CADPS2: variants seen among roughly 807,000 people sequenced by gnomAD.
CADPS2 encodes calcium-dependent secretion activator 2.
A neutral mutation model predicts 172.5 loss-of-function variants in CADPS2; 93 were observed. That is an observed-to-expected ratio of 0.54 (90% CI 0.46 to 0.64). The LOEUF (loss-of-function observed/expected upper bound fraction) is 0.64, where lower values mean the gene tolerates loss of function less well. Ranked by LOEUF, CADPS2 falls within the 30% of genes least tolerant of loss-of-function variation. CADPS2 has a pLI of 0.00. For missense variants in CADPS2, 1,420 were observed against 1,565.9 expected, an observed-to-expected ratio of 0.91 and a Z score of 1.57; for synonymous variants, 546 against 555.2, an observed-to-expected ratio of 0.98 and a Z score of 0.23.
At chr7:122,379,466 C>A (rs1474397000) in intron 24 of CADPS2, 24 bp from the exon 25 acceptor site, 3 of 1,475,200 alleles carry the variant, frequency 2.0e-6, no homozygotes, top group South Asian at 2.3e-5. Context: ...GATAAAAACT[C>A]ATTAGTTGAC....
chr7:122,464,137 T>A (rs1356545800), intron 14 of CADPS2, among the ~76,000 whole-genome samples: 1 of 152,130 alleles, frequency 6.6e-6, no homozygotes, highest in African/African-American at 2.4e-5. Context: ...GATTAATTCT[T>A]AGGCTAGAGT....
chr7:122,427,429 A>G (rs2049309862), intron 17 of CADPS2: 1 of 152,206 alleles, frequency 6.6e-6, no homozygotes. Context: ...CATTGGGGAT[A>G]ATTACAATAA....
At chr7:122,530,473 C>T (rs2061664428) in intron 8 of CADPS2, among the ~76,000 whole-genome samples, 1 of 151,944 alleles carries the variant, frequency 6.6e-6, no homozygotes, top group Non-Finnish European at 1.5e-5. Context: ...AAATAACTAT[C>T]CCCACTGCAT....
At chr7:122,675,696 A>G (rs1393007701) in intron 2 of CADPS2, among the ~76,000 whole-genome samples, 1 of 152,222 alleles carries the variant, frequency 6.6e-6, no homozygotes, top group Non-Finnish European at 1.5e-5. Flanking sequence ...GGAAGCCATC[A>G]TTCCAAGCAA....
At chr7:122,792,589 AAC>A (rs1194465720) in intron 1 of CADPS2, among the ~76,000 whole-genome samples, 1 of 152,192 alleles carries the variant, frequency 6.6e-6, no homozygotes, top group African/African-American at 2.4e-5. Flanking sequence ...TAAAAAATGC[AAC>A]AGACTTTAGA....
intron 8 of CADPS2, among the ~76,000 whole-genome samples, chr7:122,547,491 T>C (rs567318812): frequency 6.6e-6 from 1 of 152,320 alleles, no homozygotes; most frequent in Non-Finnish European, 1.5e-5. Context: ...GCATAATTTC[T>C]GCATTCTATT....
chr7:122,444,420 A>C (rs1386179031), intron 15 of CADPS2, among the ~76,000 whole-genome samples: 1 of 152,134 alleles, frequency 6.6e-6, no homozygotes, highest in East Asian at 1.9e-4. Context: ...TTATATTCCT[A>C]CCAACAGCAT....
chr7:122,729,974 A>G (rs747824929), intron 2 of CADPS2, among the ~76,000 whole-genome samples: 6 of 151,666 alleles, frequency 4.0e-5, no homozygotes, highest in Non-Finnish European at 8.9e-5. Flanking sequence ...TGTAGTCTCT[A>G]CCTGAAATGT....
intron 1 of CADPS2, among the ~76,000 whole-genome samples, chr7:122,873,187 A>C (rs1361201740): frequency 1.3e-5 from 2 of 152,056 alleles, no homozygotes; most frequent in Non-Finnish European, 2.9e-5. Flanking sequence ...ACAAAACAAA[A>C]ATTTTTTTAA....
chr7:122,659,633 C>T (rs866246568), intron 3 of CADPS2, among the ~76,000 whole-genome samples: 2 of 151,984 alleles, frequency 1.3e-5, no homozygotes, highest in Admixed American at 1.3e-4. Flanking sequence ...CACTGACCCA[C>T]AGATACAGGA....
chr7:122,439,938 T>C lies in CADPS2; in HGVS notation c.2353-1474A>G, dbSNP rs567952211. ...GTCTCCCAGGTAATATTTCATATTA[T>C]CTGGGAACCAGAAACTTACTTTCTG... On this transcript the variant is annotated intron_variant, in intron 16 of 29. Coordinates refer to ENST00000449022, the MANE Select transcript of CADPS2 (RefSeq NM_017954.11). 8.5e-5 allele frequency among the ~76,000 whole-genome samples: 13 copies of C among 152,226 alleles called. No individual in the cohort carries two copies. In the East Asian group the frequency reaches 9.7e-4, roughly 11 times the overall value.
At chr7:122,515,969 C>A (rs1048857583) in intron 8 of CADPS2, among the ~76,000 whole-genome samples, 12 of 151,426 alleles carry the variant, frequency 7.9e-5, no homozygotes, top group Non-Finnish European at 1.8e-4. Context: ...GAATAATAAT[C>A]AGCTGCAACA....
In CADPS2 at chr7:122,842,713, T is replaced by C. The variant is rs545684503; in HGVS notation, c.339+43286A>G. On this transcript the variant is annotated intron_variant, in intron 1 of 29. Coordinates refer to ENST00000449022, the MANE Select transcript of CADPS2 (RefSeq NM_017954.11). The stretch of plus-strand genomic sequence containing the variant: ...GGTTGAATAAAAAATAGAAAGTTGA[T>C]AGTAAAAATTGGTATATTTTAATAT... Among the ~76,000 whole-genome samples the C allele has an allele frequency of 4.6e-5, 7 of 152,216 alleles. No individual in the cohort carries two copies. The East Asian group carries it at 1.2e-3, about 25-fold the overall frequency.
rs189828142 is a variant in CADPS2 at position 122,785,946 on chromosome 7, G to A, written c.340-48878C>T. 2.9e-3 allele frequency among the ~76,000 whole-genome samples: 437 copies of A among 152,218 alleles called. 9 individuals are homozygous for A. The highest frequency in any genetic ancestry group is 0.024 in the Admixed American group (372 of 15,298). On this transcript the variant is annotated intron_variant, in intron 1 of 29. Transcript: ENST00000449022. ...CTGGCTCAGAAGATGCAGGTAATGT[G>A]GTTCTAAAAGAAGAAATAAACCACA...
chr7:122,577,517 T>C (rs1230690933), intron 7 of CADPS2, among the ~76,000 whole-genome samples: 1 of 152,214 alleles, frequency 6.6e-6, no homozygotes, highest in East Asian at 1.9e-4. Flanking sequence ...TATTGAATAG[T>C]ATTCCATTGT....
intron 1 of CADPS2, among the ~76,000 whole-genome samples, chr7:122,835,254 A>T (rs1396324292): frequency 6.6e-6 from 1 of 152,224 alleles, no homozygotes; most frequent in Non-Finnish European, 1.5e-5. Flanking sequence ...TAACAAACAG[A>T]AAGGACATCC....
chr7:122,795,093 AG>A (rs1418471087), intron 1 of CADPS2, among the ~76,000 whole-genome samples: 1 of 152,086 alleles, frequency 6.6e-6, no homozygotes, highest in Non-Finnish European at 1.5e-5. Flanking sequence ...TCCCAAAGCT[AG>A]CAGAAGACAA....
At chr7:122,708,461 G>GATATATAT (rs3034549) in intron 2 of CADPS2, among the ~76,000 whole-genome samples, 7 of 128,236 alleles carry the variant, frequency 5.5e-5, no homozygotes, top group African/African-American at 1.5e-4. Flanking sequence ...TATGTGTGTG[G>GATATATAT]ATATATATAT....
intron 8 of CADPS2, among the ~76,000 whole-genome samples, chr7:122,523,925 C>T (rs990787432): frequency 6.6e-6 from 1 of 152,114 alleles, no homozygotes; most frequent in Non-Finnish European, 1.5e-5. Context: ...TTCCTCCATC[C>T]TCTAGGAAGA....
Sources: allele counts gnomAD v4.1 joint callset (sites outside exome capture counted in the v4.1 genomes callset), GRCh38; gene constraint gnomAD v4.1.1; transcripts MANE v1.5; gene names NCBI Gene and HGNC (gene_info 2026-07-23, HGNC 2026-07-21).